BNC2: variants seen among roughly 807,000 people sequenced by gnomAD.
BNC2 encodes zinc finger protein basonuclin-2.
Under a neutral mutation model 76.3 loss-of-function variants are expected in BNC2, and 20 were observed. That is an observed-to-expected ratio of 0.26 (90% confidence interval 0.18 to 0.38). BNC2 has a LOEUF of 0.38. Among genes scored for constraint, BNC2 ranks in the 10% least tolerant of loss-of-function variants. BNC2 has a pLI of 1.00. For missense variants in BNC2, 1,382 were observed against 1,399.8 expected, an observed-to-expected ratio of 0.99 and a Z score of 0.20; for synonymous variants, 582 against 514.8, an observed-to-expected ratio of 1.13 and a Z score of -1.77.
At chr9:16,831,040 C>T (rs1436562991) in intron 1 of BNC2, among the ~76,000 whole-genome samples, 2 of 152,154 alleles carry the variant, frequency 1.3e-5, no homozygotes, top group Admixed American at 6.5e-5. Context: ...ATTATTTCCT[C>T]GTAACAGAAA....
chr9:16,513,179 T>C (rs1045386550), intron 5 of BNC2, among the ~76,000 whole-genome samples: 2 of 152,066 alleles, frequency 1.3e-5, no homozygotes, highest in East Asian at 3.9e-4. Context: ...TGAAATAAAG[T>C]GTTCATGCAA....
At chr9:16,865,928 A>G (rs1431487255) in intron 1 of BNC2, among the ~76,000 whole-genome samples, 1 of 152,136 alleles carries the variant, frequency 6.6e-6, no homozygotes, top group Non-Finnish European at 1.5e-5. Flanking sequence ...TGAACTCTTG[A>G]GTGTACTGAG....
In BNC2 at chr9:16,468,916, C is replaced by T. The variant is rs1454903421; in HGVS notation, c.670-31392G>A. 2.0e-5 allele frequency among the ~76,000 whole-genome samples: 3 copies of T among 152,138 alleles called. No individual in the cohort carries two copies. In the East Asian group the frequency reaches 5.8e-4, roughly 29 times the overall value. On this transcript the variant is annotated intron_variant, in intron 5 of 6. Transcript: ENST00000380672. The stretch of plus-strand genomic sequence containing the variant: ...AAATATCACATAGCATTGCAATTGT[C>T]AGTTTGCATGACAACAGGGATAGTA...
chr9:16,595,691 T>C (rs756537971), intron 3 of BNC2, among the ~76,000 whole-genome samples: 10 of 152,056 alleles, frequency 6.6e-5, no homozygotes, highest in Non-Finnish European at 1.2e-4. Context: ...GCTAGTATGC[T>C]GAAAAAAAAT....
intron 3 of BNC2, among the ~76,000 whole-genome samples, chr9:16,654,240 T>G (rs1821867663): frequency 6.6e-6 from 1 of 152,180 alleles, no homozygotes; most frequent in Non-Finnish European, 1.5e-5. Flanking sequence ...CTCCCATCTT[T>G]CCTCTGCCGA....
chr9:16,477,158 G>A (rs990372965), intron 5 of BNC2, among the ~76,000 whole-genome samples: 7 of 152,174 alleles, frequency 4.6e-5, no homozygotes, highest in African/African-American at 9.7e-5. Flanking sequence ...TTGGGAAACC[G>A]AGGCAGGAGG....
intron 3 of BNC2, among the ~76,000 whole-genome samples, chr9:16,670,053 A>G (rs149998624): frequency 7.2e-5 from 11 of 152,374 alleles, no homozygotes; most frequent in African/African-American, 1.9e-4. Context: ...CTTCTATCAA[A>G]TAAGTACTGA....
chr9:16,513,990 T>G (rs1056278689), intron 5 of BNC2, among the ~76,000 whole-genome samples: 1 of 152,190 alleles, frequency 6.6e-6, no homozygotes, highest in Non-Finnish European at 1.5e-5. Context: ...TTCAAAAATA[T>G]TAGCAAGAAT....
chr9:16,463,702 T>C (rs897756167), intron 5 of BNC2, among the ~76,000 whole-genome samples: 20 of 152,096 alleles, frequency 1.3e-4, no homozygotes, highest in Non-Finnish European at 2.2e-4. Flanking sequence ...GGTTACATAT[T>C]AACAATGATA....
At position 16,745,963 on chromosome 9, in the gene BNC2, G is replaced by A. The variant is rs145540114; in HGVS notation, c.4-7478C>T. On this transcript the variant is annotated intron_variant, in intron 1 of 6. Transcript: ENST00000380672. Reference sequence around the variant, plus strand: ...TGATATTGTGAATATGAGACAAGTCGTATAAAGCCTGGGCTCCTTGGCTTC... The same window carrying A: ...TGATATTGTGAATATGAGACAAGTCATATAAAGCCTGGGCTCCTTGGCTTC... 3.3e-3 allele frequency among the ~76,000 whole-genome samples: 498 copies of A among 152,262 alleles called. 3 individuals carry two copies. Among genetic ancestry groups the A allele is most frequent in the African/African-American group, 0.011 (475 of 41,550 alleles).
intron 1 of BNC2, among the ~76,000 whole-genome samples, chr9:16,790,573 T>G (rs1817478144): frequency 6.6e-6 from 1 of 152,220 alleles, no homozygotes; most frequent in African/African-American, 2.4e-5. Context: ...TAGGTATACT[T>G]CCTTCTAAGT....
chr9:16,870,423 A>G (rs10810649), intron 1 of BNC2, among the ~76,000 whole-genome samples: 133,652 of 151,766 alleles, frequency 0.88, 59,344 homozygotes, highest in Non-Finnish European at 0.92. Context: ...AGCTCGCCTC[A>G]GAAACTTGGG....
chr9:16,844,032 C>T (rs535637162), intron 1 of BNC2, among the ~76,000 whole-genome samples: 2 of 152,098 alleles, frequency 1.3e-5, no homozygotes, highest in Admixed American at 6.5e-5. Flanking sequence ...CTACGAAGCA[C>T]GAGGATAGCT....
chr9:16,792,104 C>CA (rs35590121), intron 1 of BNC2, among the ~76,000 whole-genome samples: 70,296 of 127,002 alleles, frequency 0.55, 22,127 homozygotes, highest in Non-Finnish European at 0.74. Context: ...CTTGACCCTC[C>CA]AAAAAAAAAA....
At chr9:16,618,387 C>T (rs1001151738) in intron 3 of BNC2, among the ~76,000 whole-genome samples, 17 of 152,096 alleles carry the variant, frequency 1.1e-4, no homozygotes, top group Non-Finnish European at 1.9e-4. Flanking sequence ...GATGATGAAC[C>T]TTCTCATTAC....
chr9:16,803,691 T>C (rs922201163), intron 1 of BNC2, among the ~76,000 whole-genome samples: 1 of 152,238 alleles, frequency 6.6e-6, no homozygotes, highest in Non-Finnish European at 1.5e-5. Context: ...GTCAATCAAA[T>C]TATCATCTAT....
chr9:16,674,145 G>C (rs1023890847), intron 3 of BNC2, among the ~76,000 whole-genome samples: 2 of 151,984 alleles, frequency 1.3e-5, no homozygotes, highest in African/African-American at 4.8e-5. Context: ...CTTTGTTTTA[G>C]TGCAGTTCCC....
At chr9:16,762,466 A>G (rs1350490071) in intron 1 of BNC2, among the ~76,000 whole-genome samples, 1 of 152,154 alleles carries the variant, frequency 6.6e-6, no homozygotes, top group Non-Finnish European at 1.5e-5. Flanking sequence ...CCACTTCAAA[A>G]CCCCTGGATG....
At chr9:16,832,436 T>A (rs1191064953) in intron 1 of BNC2, 5 of 419,610 alleles carry the variant, frequency 1.2e-5, no homozygotes, top group South Asian at 6.0e-5. Context: ...GCTACAAGAC[T>A]TGATCTGCTT....
Sources: allele counts gnomAD v4.1 joint callset (sites outside exome capture counted in the v4.1 genomes callset), GRCh38; gene constraint gnomAD v4.1.1; transcripts MANE v1.5; gene names NCBI Gene and HGNC (gene_info 2026-07-23, HGNC 2026-07-21).